The following DENND5A variants were observed in gnomAD, a reference collection of about 807,000 sequenced individuals.
DENND5A encodes DENN domain-containing protein 5A.
In DENND5A, 64 loss-of-function variants were observed where a neutral mutation model predicts 140.3. That is an observed-to-expected ratio of 0.46 (90% CI 0.37 to 0.56). DENND5A has a LOEUF of 0.56. Among genes scored for constraint, DENND5A ranks in the 20% least tolerant of loss-of-function variants. The pLI, the probability that DENND5A is intolerant of heterozygous loss-of-function variation, is 0.00. For synonymous variants in DENND5A, 605 were observed against 607.7 expected (o/e 1.00, Z 0.07); for missense variants, 1,292 against 1,593.8 (o/e 0.81, Z 3.22).
intron 12 of DENND5A, 68 bp from the exon 13 acceptor site, chr11:9,152,510 G>A (rs979171690): frequency 5.5e-6 from 6 of 1,088,850 alleles, no homozygotes; most frequent in African/African-American, 1.5e-5. Context: ...TCAACATACA[G>A]ATAGAAGCTT....
chr11:9,188,962 T>G (rs559652804), intron 5 of DENND5A, among the ~76,000 whole-genome samples: 1 of 152,146 alleles, frequency 6.6e-6, no homozygotes, highest in African/African-American at 2.4e-5. Flanking sequence ...CCCAAGACAA[T>G]GGGGGTAAAT....
At chr11:9,151,270 G>A (rs1035466251) in intron 13 of DENND5A, among the ~76,000 whole-genome samples, 4 of 152,190 alleles carry the variant, frequency 2.6e-5, no homozygotes, top group Non-Finnish European at 5.9e-5. Context: ...GGACCTCTAG[G>A]AGAAGAGAAG....
intron 1 of DENND5A, among the ~76,000 whole-genome samples, chr11:9,254,271 C>T (rs1326289967): frequency 1.3e-5 from 2 of 151,360 alleles, no homozygotes; most frequent in East Asian, 3.9e-4. Context: ...GGCTCAGAAA[C>T]GCCGAGGAAG....
chr11:9,192,351 G>A (rs573022616), intron 5 of DENND5A, among the ~76,000 whole-genome samples: 9 of 152,102 alleles, frequency 5.9e-5, no homozygotes, highest in Non-Finnish European at 1.0e-4. Context: ...ACCCCCGGCC[G>A]GGCGCGGTGG....
At chr11:9,228,855 A>G (rs1850643679) in intron 1 of DENND5A, among the ~76,000 whole-genome samples, 1 of 152,204 alleles carries the variant, frequency 6.6e-6, no homozygotes. Context: ...TGCCCCATCC[A>G]TCTCTTCCAC....
At chr11:9,144,752 G>A (rs910739710) in intron 18 of DENND5A, among the ~76,000 whole-genome samples, 1 of 150,000 alleles carries the variant, frequency 6.7e-6, no homozygotes, top group Non-Finnish European at 1.5e-5. Flanking sequence ...TCACGCCACT[G>A]CACTCCAGCC....
In DENND5A at chr11:9,139,588, A is replaced by G; in HGVS notation, c.*83T>C. The G allele has an allele frequency of 7.5e-7, 1 of 1,336,502 alleles. No homozygotes were observed. Among genetic ancestry groups the G allele is most frequent in the Non-Finnish European group, 1.0e-6 (1 of 968,368 alleles). The allele number at this position is 1,336,502 out of a possible 1,614,324, so 82.8% of individuals were successfully genotyped here. On this transcript the variant is annotated 3_prime_UTR_variant, in exon 23 of 23. Coordinates refer to ENST00000328194, the MANE Select transcript of DENND5A (RefSeq NM_015213.4). Reference sequence around the variant, plus strand: ...TACATTTTGTCTCCTACTCCTGCACAATCGCTTAAGTCCCTTTGGGAAAAA... The same window carrying G: ...TACATTTTGTCTCCTACTCCTGCACGATCGCTTAAGTCCCTTTGGGAAAAA...
chr11:9,231,552 C>T (rs1409925221), intron 1 of DENND5A, among the ~76,000 whole-genome samples: 1 of 151,970 alleles, frequency 6.6e-6, no homozygotes, highest in Non-Finnish European at 1.5e-5. Flanking sequence ...TCCATCTCTA[C>T]TAAAAATACA....
At chr11:9,247,135 CAGG>C (rs1309515604) in intron 1 of DENND5A, among the ~76,000 whole-genome samples, 1 of 151,346 alleles carries the variant, frequency 6.6e-6, no homozygotes, top group Non-Finnish European at 1.5e-5. Context: ...GAGGCTGAAG[CAGG>C]AGAACGGCGT....
At chr11:9,209,441 C>T (rs1849799546) in intron 1 of DENND5A, among the ~76,000 whole-genome samples, 1 of 152,200 alleles carries the variant, frequency 6.6e-6, no homozygotes, top group Non-Finnish European at 1.5e-5. Context: ...GGCTATGAAT[C>T]ACTGGAGAAG....
intron 1 of DENND5A, among the ~76,000 whole-genome samples, chr11:9,240,130 G>C (rs1851172454): frequency 6.6e-6 from 1 of 152,158 alleles, no homozygotes; most frequent in Non-Finnish European, 1.5e-5. Flanking sequence ...ATCCTAGGCT[G>C]GGCGTGGTGG....
chr11:9,262,806 A>T (rs1180179057), intron 1 of DENND5A, among the ~76,000 whole-genome samples: 1 of 151,798 alleles, frequency 6.6e-6, no homozygotes, highest in Non-Finnish European at 1.5e-5. Context: ...CAGTGGCGCG[A>T]TCTGGGCTCA....
At chr11:9,226,131 T>C (rs894346899) in intron 1 of DENND5A, among the ~76,000 whole-genome samples, 4 of 151,548 alleles carry the variant, frequency 2.6e-5, no homozygotes, top group African/African-American at 9.8e-5. Flanking sequence ...TTATCATCAA[T>C]CAGGTCTTTT....
At chr11:9,223,866 T>TA (rs1367206368) in intron 1 of DENND5A, among the ~76,000 whole-genome samples, 1 of 152,222 alleles carries the variant, frequency 6.6e-6, no homozygotes. Flanking sequence ...AATCCTTTCA[T>TA]AAACAGAGGG....
intron 12 of DENND5A, among the ~76,000 whole-genome samples, chr11:9,155,021 C>T (rs566106906): frequency 6.6e-6 from 1 of 151,888 alleles, no homozygotes; most frequent in Non-Finnish European, 1.5e-5. Context: ...TGGTGACAGG[C>T]ACCTGTAATC....
chr11:9,205,193 T>C (rs1849654795), intron 3 of DENND5A, among the ~76,000 whole-genome samples: 1 of 152,152 alleles, frequency 6.6e-6, no homozygotes, highest in African/African-American at 2.4e-5. Flanking sequence ...ACCAAGGAGA[T>C]GACATAATCA....
intron 1 of DENND5A, among the ~76,000 whole-genome samples, chr11:9,246,403 G>A (rs1851473386): frequency 6.6e-6 from 1 of 151,946 alleles, no homozygotes; most frequent in Non-Finnish European, 1.5e-5. Context: ...ATGAGGTCAG[G>A]AGATTGAGAC....
intron 5 of DENND5A, among the ~76,000 whole-genome samples, chr11:9,181,331 A>C (rs1468957419): frequency 6.6e-6 from 1 of 152,214 alleles, no homozygotes; most frequent in African/African-American, 2.4e-5. Context: ...TTAGCTGTAA[A>C]ATGGAGATAA....
chr11:9,227,521 G>A (rs1850581170), intron 1 of DENND5A, among the ~76,000 whole-genome samples: 1 of 152,196 alleles, frequency 6.6e-6, no homozygotes, highest in African/African-American at 2.4e-5. Flanking sequence ...AGATGAAGCT[G>A]GGAAGGTAGT....
Sources: allele counts gnomAD v4.1 joint callset (sites outside exome capture counted in the v4.1 genomes callset), GRCh38; gene constraint gnomAD v4.1.1; transcripts MANE v1.5; gene names NCBI Gene and HGNC (gene_info 2026-07-23, HGNC 2026-07-21).